The following SDK1 variants were observed in gnomAD, a reference collection of about 807,000 sequenced individuals.
SDK1 encodes the protein sidekick cell adhesion molecule 1, also known as protein sidekick-1.
In SDK1, 157 loss-of-function variants were observed where a neutral mutation model predicts 245.5. That is an observed-to-expected ratio of 0.64 (90% confidence interval 0.56 to 0.73). The LOEUF is 0.73. Ranked by LOEUF, SDK1 falls within the 30% of genes least tolerant of loss-of-function variation. SDK1 has a pLI of 0.00. For synonymous variants in SDK1, 1,647 were observed against 1,278.5 expected (o/e 1.29, Z -6.15); for missense variants, 3,583 against 3,002.3 (o/e 1.19, Z -4.52).
At chr7:3,403,869 A>AAT (rs1554266409) in intron 1 of SDK1, among the ~76,000 whole-genome samples, 33 of 88,890 alleles carry the variant, frequency 3.7e-4, no homozygotes, top group Admixed American at 6.1e-4. Context: ...ATATATATAT[A>AAT]ATATATATAT....
chr7:4,257,353 G>T (rs139040206), intron 44 of SDK1, among the ~76,000 whole-genome samples: 1 of 152,202 alleles, frequency 6.6e-6, no homozygotes, highest in African/African-American at 2.4e-5. Flanking sequence ...CCGGGAAACC[G>T]ACACACGTTG....
chr7:3,659,866 C>A lies in SDK1; in HGVS notation c.713+17761C>A, dbSNP rs572344214. ...TGAAAGTGTAGGTTAAAAGTAGAAT[C>A]CACAGGGCCAAAAGAGGGATTTGGG... is the stretch of plus-strand genomic sequence containing the variant. On this transcript the variant is annotated intron_variant, in intron 4 of 44. Coordinates refer to ENST00000404826, the MANE Select transcript of SDK1 (RefSeq NM_152744.4). Among the ~76,000 whole-genome samples the A allele has an allele frequency of 4.6e-5, 7 of 152,278 alleles. No individual in the cohort carries two copies. In the East Asian group the frequency reaches 1.4e-3, roughly 29 times the overall value.
intron 4 of SDK1, among the ~76,000 whole-genome samples, chr7:3,644,733 A>C (rs7800891): frequency 0.33 from 45,081 of 137,202 alleles, 7,830 homozygotes; most frequent in South Asian, 0.44. Flanking sequence ...CGATGGTGCC[A>C]CTGTACTCCA....
intron 8 of SDK1, among the ~76,000 whole-genome samples, chr7:3,960,340 C>T (rs768901697): frequency 2.0e-5 from 3 of 152,224 alleles, no homozygotes; most frequent in African/African-American, 4.8e-5. Context: ...AGGACCCAAA[C>T]GCAAATCTGT....
intron 2 of SDK1, among the ~76,000 whole-genome samples, chr7:3,625,453 T>G (rs935805458): frequency 6.6e-6 from 1 of 152,174 alleles, no homozygotes; most frequent in Non-Finnish European, 1.5e-5. Context: ...GAGACAAAGC[T>G]TGGCTCTCCT....
At chr7:3,894,023 A>G (rs1036666406) in intron 5 of SDK1, among the ~76,000 whole-genome samples, 1 of 152,206 alleles carries the variant, frequency 6.6e-6, no homozygotes, top group Non-Finnish European at 1.5e-5. Flanking sequence ...ACAGTCACCT[A>G]AAGACATGGG....
intron 1 of SDK1, among the ~76,000 whole-genome samples, chr7:3,314,877 C>T (rs1779628541): frequency 6.6e-6 from 1 of 151,474 alleles, no homozygotes; most frequent in Non-Finnish European, 1.5e-5. Flanking sequence ...TTTCATCATA[C>T]ATCCTATTGG....
intron 1 of SDK1, among the ~76,000 whole-genome samples, chr7:3,376,277 A>G (rs1462948395): frequency 2.6e-5 from 4 of 152,196 alleles, no homozygotes; most frequent in African/African-American, 9.6e-5. Flanking sequence ...AGCCTGAAAA[A>G]TTTTAAACTT....
At chr7:3,879,348 A>G (rs934958469) in intron 5 of SDK1, among the ~76,000 whole-genome samples, 1 of 152,150 alleles carries the variant, frequency 6.6e-6, no homozygotes, top group Non-Finnish European at 1.5e-5. Context: ...CAGTTACTAG[A>G]TGAAGGTGGA....
intron 1 of SDK1, among the ~76,000 whole-genome samples, chr7:3,455,770 T>C (rs1337028331): frequency 2.0e-5 from 3 of 152,220 alleles, no homozygotes; most frequent in Non-Finnish European, 4.4e-5. Context: ...GTTCTTTGCC[T>C]TTTCATATAA....
intron 14 of SDK1, among the ~76,000 whole-genome samples, chr7:4,009,426 G>A (rs1397310006): frequency 6.6e-6 from 1 of 152,232 alleles, no homozygotes; most frequent in East Asian, 1.9e-4. Flanking sequence ...TGAGCTGCAT[G>A]ATACAAGTGG....
chr7:4,235,253 C>T (rs1786083492), intron 41 of SDK1, among the ~76,000 whole-genome samples: 1 of 152,160 alleles, frequency 6.6e-6, no homozygotes, highest in Non-Finnish European at 1.5e-5. Flanking sequence ...CAACCTCCGT[C>T]TCCCGGGTTC....
At chr7:4,020,548 G>A (rs1173714163) in intron 17 of SDK1, among the ~76,000 whole-genome samples, 1 of 152,238 alleles carries the variant, frequency 6.6e-6, no homozygotes, top group Non-Finnish European at 1.5e-5. Context: ...CTCTGGAGGG[G>A]AAGATGCAAT....
rs372733746 is a variant in SDK1, at chr7:3,811,456, C to G, written c.714-9994C>G. Among the ~76,000 whole-genome samples the G allele has an allele frequency of 1.5e-4, 23 of 152,290 alleles. No individual in the cohort carries two copies. The South Asian group carries it at 2.3e-3, about 15-fold the overall frequency. ...TTAGATTTTAACTTTAAGTCAGGTT[C>G]GACACTACTTCTGGTTCCAGGAAAC... On this transcript the variant is annotated intron_variant, in intron 4 of 44. Coordinates refer to ENST00000404826, the MANE Select transcript of SDK1 (RefSeq NM_152744.4).
chr7:4,147,321 C>T, intron 29 of SDK1, among the ~76,000 whole-genome samples: 1 of 152,198 alleles, frequency 6.6e-6, no homozygotes, highest in Admixed American at 6.5e-5. Context: ...GCGGGGACTA[C>T]AGGCACACAC....
chr7:3,912,955 G>A (rs137962888), intron 5 of SDK1, among the ~76,000 whole-genome samples: 115 of 152,356 alleles, frequency 7.5e-4, no homozygotes, highest in African/African-American at 2.6e-3. Flanking sequence ...CAAAGCAACC[G>A]TGGAGGGCCG....
intron 2 of SDK1, among the ~76,000 whole-genome samples, chr7:3,634,463 G>A (rs1486731345): frequency 6.6e-6 from 1 of 152,180 alleles, no homozygotes; most frequent in Admixed American, 6.6e-5. Flanking sequence ...TAATGAACTG[G>A]TCCTGGAAAA....
chr7:4,035,854 T>G (rs1256212244), intron 17 of SDK1, among the ~76,000 whole-genome samples: 1 of 152,150 alleles, frequency 6.6e-6, no homozygotes, highest in Non-Finnish European at 1.5e-5. Context: ...TAGGCCAACT[T>G]GAAGAGGCTC....
intron 1 of SDK1, among the ~76,000 whole-genome samples, chr7:3,458,805 C>A (rs1196801574): frequency 6.6e-6 from 1 of 152,158 alleles, no homozygotes; most frequent in Non-Finnish European, 1.5e-5. Flanking sequence ...CCAGGAAATA[C>A]AGATTACGTT....
Sources: allele counts gnomAD v4.1 joint callset (sites outside exome capture counted in the v4.1 genomes callset), GRCh38; gene constraint gnomAD v4.1.1; transcripts MANE v1.5; gene names NCBI Gene and HGNC (gene_info 2026-07-23, HGNC 2026-07-21).